SYDE2: variants seen among roughly 807,000 people sequenced by gnomAD.
SYDE2 encodes the protein rho GTPase-activating protein SYDE2.
Under a neutral mutation model 91.5 loss-of-function variants are expected in SYDE2, and 76 were observed. The ratio of observed to expected loss-of-function variants is 0.83; its 90% CI spans 0.69 to 1.01. SYDE2 has a LOEUF of 1.01. Among genes scored for constraint, SYDE2 ranks in the 50% least tolerant of loss-of-function variants. SYDE2 has a pLI of 0.00. For missense variants in SYDE2, 1,364 were observed against 1,367.7 expected (o/e 1.00, Z 0.04); for synonymous variants, 513 against 506.4 (o/e 1.01, Z -0.18).
At position 85,200,349 on chromosome 1, in the gene SYDE2, G is replaced by A; in HGVS notation, c.648C>T (p.Val216=). 6.2e-7 allele frequency: 1 copy of A among 1,614,020 alleles called. No homozygotes were observed. The highest frequency in any genetic ancestry group is 8.5e-7 in the Non-Finnish European group (1 of 1,179,904). ...KGRARGTAPK[V]TGTQAASPNV... is the part of the protein sequence containing the mutation. Reference sequence around the variant, plus strand: ...TTGGGGAGGCTGCCTGCGTTCCTGTGACTTTGGGAGCCGTCCCACGGGCAC... The same window carrying A: ...TTGGGGAGGCTGCCTGCGTTCCTGTAACTTTGGGAGCCGTCCCACGGGCAC... The change falls in exon 1 of 7, where the codon GTC becomes GTT. Residue 216 remains valine (V), a synonymous_variant. Transcript: ENST00000341460.
chr1:85,169,946 A>G (rs948864501), intron 4 of SYDE2, among the ~76,000 whole-genome samples: 15 of 152,148 alleles, frequency 9.9e-5, no homozygotes, highest in African/African-American at 9.7e-5. Flanking sequence ...GTTGTTATAT[A>G]TAAGTAAGGT....
At chr1:85,192,494 TAAAC>T (rs918796288) in intron 1 of SYDE2, among the ~76,000 whole-genome samples, 5 of 151,988 alleles carry the variant, frequency 3.3e-5, no homozygotes, top group Non-Finnish European at 7.4e-5. Context: ...AATAAATAAA[TAAAC>T]AAACCTTAAA....
At chr1:85,195,325 A>G (rs1325261940) in intron 1 of SYDE2, among the ~76,000 whole-genome samples, 2 of 152,208 alleles carry the variant, frequency 1.3e-5, no homozygotes, top group South Asian at 2.1e-4. Flanking sequence ...AAAGCATTAA[A>G]CATTTTAATA....
chr1:85,164,597 T>C lies in SYDE2; in HGVS notation c.3014A>G (p.Glu1005Gly). The change falls in exon 6 of 7, where the codon GAA becomes GGA. Residue 1005 changes from glutamate to glycine, a missense_variant. Transcript: ENST00000341460. Reference protein sequence around the residue: ...THNNRVFTDSEELASALDFKK... With the variant: ...THNNRVFTDSGELASALDFKK... ...AAAATCCAAAGCACTTGCAAGTTCTTCTGAATCAGTAAAGACTCTGTTGTT... is the reference window on the plus strand; with the variant it reads ...AAAATCCAAAGCACTTGCAAGTTCTCCTGAATCAGTAAAGACTCTGTTGTT... 1 of 1,608,252 alleles carries C rather than the reference T, an allele frequency of 6.2e-7. No individual in the cohort carries two copies. Among genetic ancestry groups the C allele is most frequent in the Non-Finnish European group, 8.5e-7 (1 of 1,177,142 alleles).
Position 85,164,739 on chromosome 1 carries a change from A to G in SYDE2, c.2872T>C (p.Leu958=), listed in dbSNP as rs781765365. The G allele has an allele frequency of 1.4e-6, 2 of 1,432,880 alleles. No homozygotes were observed. Among genetic ancestry groups the G allele is most frequent in the East Asian group, 5.5e-5 (2 of 36,544 alleles). 88.8% of individuals were successfully genotyped at this position (1,432,880 alleles called of 1,614,324 possible). ...EIEKATLKML[L]DHLKLVASYH... is the part of the protein sequence containing the mutation. ...GAAGCCACCAATTTCAAATGATCCA[A>G]CAACATCTTTAGGGTTGCCTAAATT... is the stretch of plus-strand genomic sequence containing the variant. The change falls in exon 6 of 7, where the codon TTG becomes CTG. Residue 958 remains leucine (L), a synonymous_variant. Coordinates refer to ENST00000341460, the MANE Select transcript of SYDE2 (RefSeq NM_032184.2).
chr1:85,197,330 A>G (rs914078269), intron 1 of SYDE2, among the ~76,000 whole-genome samples: 1 of 152,214 alleles, frequency 6.6e-6, no homozygotes, highest in Non-Finnish European at 1.5e-5. Flanking sequence ...TCCATTTGTC[A>G]TATAGTCTCA....
In SYDE2 at chr1:85,157,884, TA is replaced by T. The variant is rs1656919343; in HGVS notation, c.*865del. ...ATAAATATATACAGTTTCAGGATTA[TA>T]AAAATATTTAATTTTTATAAGCTTA... is the stretch of plus-strand genomic sequence containing the variant. On this transcript the variant is annotated 3_prime_UTR_variant, in exon 7 of 7. Coordinates refer to ENST00000341460, the MANE Select transcript of SYDE2 (RefSeq NM_032184.2). The T allele has an allele frequency of 6.6e-6, 1 of 152,192 alleles. No individual in the cohort carries two copies. The highest frequency in any genetic ancestry group is 1.5e-5 in the Non-Finnish European group (1 of 68,028). 9.4% of individuals were successfully genotyped at this position (152,192 alleles called of 1,614,324 possible). A position where few individuals can be genotyped will look rare whatever the true frequency, so the allele number is the denominator to read the frequency against.
At chr1:85,161,655 G>A (rs991753902) in intron 6 of SYDE2, among the ~76,000 whole-genome samples, 1 of 151,154 alleles carries the variant, frequency 6.6e-6, no homozygotes, top group Non-Finnish European at 1.5e-5. Flanking sequence ...GAACCTGAGA[G>A]GCAAAGGTTT....
chr1:85,194,127 ATTCAAGATAATAAAC>A (rs1658488020), intron 1 of SYDE2, among the ~76,000 whole-genome samples: 1 of 151,748 alleles, frequency 6.6e-6, no homozygotes, highest in Admixed American at 6.6e-5. Flanking sequence ...TCAACACATT[ATTCAAGATAATAAAC>A]TTGAGCAATT....
intron 2 of SYDE2, 93 bp from the exon 3 acceptor site, chr1:85,183,293 C>T (rs2100674543): frequency 8.5e-7 from 1 of 1,174,604 alleles, no homozygotes. Flanking sequence ...CAGGCTTTCA[C>T]ATAGGCAGAA....
intron 2 of SYDE2, 45 bp downstream of exon 2, chr1:85,190,012 C>CA (rs1310833050): frequency 7.0e-7 from 1 of 1,424,798 alleles, no homozygotes; most frequent in African/African-American, 1.4e-5. Context: ...TCAAATAATT[C>CA]AAAAATGGAA....
At chr1:85,184,977 C>G (rs1468631652) in intron 2 of SYDE2, among the ~76,000 whole-genome samples, 1 of 151,598 alleles carries the variant, frequency 6.6e-6, no homozygotes, top group Admixed American at 6.6e-5. Flanking sequence ...ATTCTCTGAT[C>G]AAAAATTATT....
chr1:85,155,037 GAAAAA>G (rs1197077500), downstream of SYDE2, among the ~76,000 whole-genome samples: 1 of 107,368 alleles, frequency 9.3e-6, no homozygotes, highest in Non-Finnish European at 2.0e-5. Flanking sequence ...AAAAGAAAAA[GAAAAA>G]AGAAAAGAAA....
intron 4 of SYDE2, among the ~76,000 whole-genome samples, chr1:85,173,367 AG>A (rs1657571702): frequency 6.6e-6 from 1 of 152,164 alleles, no homozygotes; most frequent in East Asian, 1.9e-4. Flanking sequence ...TGCAGGTATC[AG>A]GGGGAGCAGG....
At chr1:85,193,710 A>G (rs941391759) in intron 1 of SYDE2, among the ~76,000 whole-genome samples, 1 of 151,830 alleles carries the variant, frequency 6.6e-6, no homozygotes, top group African/African-American at 2.4e-5. Context: ...GGCAACCTCA[A>G]CCTCCCAGGC....
intron 1 of SYDE2, among the ~76,000 whole-genome samples, chr1:85,193,141 TCC>T (rs1658438980): frequency 1.3e-5 from 2 of 152,216 alleles, no homozygotes; most frequent in Admixed American, 6.5e-5. Context: ...TGGTTCTATC[TCC>T]ATTACACTTA....
At chr1:85,164,467 T>G (rs1383283622) in intron 6 of SYDE2, 59 bp downstream of exon 6, 2 of 1,181,902 alleles carry the variant, frequency 1.7e-6, no homozygotes, top group Non-Finnish European at 2.3e-6. Context: ...TATTTAATGA[T>G]TAGTTAATTC....
At chr1:85,191,328 T>C (rs1440487564) in intron 1 of SYDE2, among the ~76,000 whole-genome samples, 1 of 152,020 alleles carries the variant, frequency 6.6e-6, no homozygotes, top group Non-Finnish European at 1.5e-5. Flanking sequence ...AAAACAAAAA[T>C]CCCTTCAGAA....
intron 6 of SYDE2, among the ~76,000 whole-genome samples, chr1:85,161,584 G>A (rs1657060932): frequency 6.6e-6 from 1 of 151,890 alleles, no homozygotes; most frequent in Non-Finnish European, 1.5e-5. Flanking sequence ...AAATTAGCTG[G>A]GCGCAGTGGT....
Sources: allele counts gnomAD v4.1 joint callset (sites outside exome capture counted in the v4.1 genomes callset), GRCh38; gene constraint gnomAD v4.1.1; transcripts MANE v1.5; gene names NCBI Gene and HGNC (gene_info 2026-07-23, HGNC 2026-07-21).